The following EPB41L4A variants were observed in gnomAD, a reference collection of about 807,000 sequenced individuals.
The protein encoded by EPB41L4A is erythrocyte membrane protein band 4.1 like 4A.
In EPB41L4A, 100 loss-of-function variants were observed where a neutral mutation model predicts 108.6. The ratio of observed to expected loss-of-function variants is 0.92; its 90% CI spans 0.78 to 1.09. The LOEUF (loss-of-function observed/expected upper bound fraction) is 1.09, where lower values mean the gene tolerates loss of function less well. Among genes scored for constraint, EPB41L4A ranks in the 50% least tolerant of loss-of-function variants. The probability of loss-of-function intolerance (pLI) is 0.00; values close to 1 mark genes in which losing one functional copy is unlikely to be tolerated. For missense variants in EPB41L4A, 1,030 were observed against 842.7 expected (o/e 1.22, Z -2.75); for synonymous variants, 319 against 289.0 (o/e 1.10, Z -1.05).
At chr5:112,170,133 T>C (rs1371466779) in intron 20 of EPB41L4A, 168 bp downstream of exon 20, 1 of 646,678 alleles carries the variant, frequency 1.5e-6, no homozygotes, top group Non-Finnish European at 2.7e-6. Context: ...TAGTGTAGAA[T>C]AAGTAGCTTT....
At chr5:112,392,401 CAAAAAAAAAAAAAA>C (rs56256606) in intron 1 of EPB41L4A, among the ~76,000 whole-genome samples, 4 of 35,922 alleles carry the variant, frequency 1.1e-4, no homozygotes, top group Admixed American at 4.0e-4. Context: ...AAATGGAAAG[CAAAAAAAAAAAAAA>C]AAAAAAAAAG....
chr5:112,271,566 C>A (rs558988868), intron 4 of EPB41L4A, among the ~76,000 whole-genome samples: 35 of 152,310 alleles, frequency 2.3e-4, no homozygotes, highest in African/African-American at 7.7e-4. Flanking sequence ...AGACCTCACT[C>A]AGCCTTTCTG....
At chr5:112,382,157 A>T (rs183230437) in intron 1 of EPB41L4A, among the ~76,000 whole-genome samples, 1 of 152,366 alleles carries the variant, frequency 6.6e-6, no homozygotes, top group East Asian at 1.9e-4. Context: ...AATTCTTGAT[A>T]AATTAGGAAG....
intron 1 of EPB41L4A, among the ~76,000 whole-genome samples, chr5:112,309,631 G>A (rs1452790390): frequency 5.3e-5 from 8 of 152,068 alleles, no homozygotes; most frequent in Non-Finnish European, 5.9e-5. Context: ...GTCCTGCCCT[G>A]ACCTCTGGAA....
downstream of EPB41L4A, chr5:112,161,537 A>G (rs769902565): frequency 1.9e-6 from 1 of 519,098 alleles, no homozygotes; most frequent in Non-Finnish European, 3.8e-6. Flanking sequence ...GTGTCAAAAA[A>G]GGCGTAAATT....
At chr5:112,314,505 T>TAAAAAAAAAAAAAAAAAAAAAAAAAAAA (rs552428109) in intron 1 of EPB41L4A, among the ~76,000 whole-genome samples, 2 of 55,182 alleles carry the variant, frequency 3.6e-5, no homozygotes, top group African/African-American at 1.6e-4. Flanking sequence ...CCATCGCTAC[T>TAAAAAAAAAAAAAAAAAAAAAAAAAAAA]AAAAAAAAAA....
intron 1 of EPB41L4A, among the ~76,000 whole-genome samples, chr5:112,317,375 A>G (rs1418125456): frequency 6.6e-6 from 1 of 152,162 alleles, no homozygotes; most frequent in Non-Finnish European, 1.5e-5. Flanking sequence ...TTCCTGCTTT[A>G]TAAATAAGCT....
chr5:112,228,019 G>A (rs1356680085), intron 12 of EPB41L4A, among the ~76,000 whole-genome samples: 1 of 152,138 alleles, frequency 6.6e-6, no homozygotes, highest in African/African-American at 2.4e-5. Context: ...TGGAGTGTTT[G>A]AATCAAACAT....
At chr5:112,299,255 T>C (rs1011246798) in intron 2 of EPB41L4A, among the ~76,000 whole-genome samples, 1 of 152,216 alleles carries the variant, frequency 6.6e-6, no homozygotes, top group Non-Finnish European at 1.5e-5. Flanking sequence ...AGTTGTGCTC[T>C]TTCAGACTTT....
intron 1 of EPB41L4A, among the ~76,000 whole-genome samples, chr5:112,348,663 T>G: frequency 6.6e-6 from 1 of 152,286 alleles, no homozygotes; most frequent in East Asian, 1.9e-4. Flanking sequence ...AATGAAGTAT[T>G]CAGGTGTTTT....
In EPB41L4A at chr5:112,204,965, A is replaced by G. The variant is rs114168954; in HGVS notation, c.1262+456T>C. On this transcript the variant is annotated intron_variant, in intron 14 of 22. Coordinates refer to ENST00000261486, the MANE Select transcript of EPB41L4A (RefSeq NM_022140.5). ...AAGTGGCAGGGCTAGAATTTGAACT[A>G]TAAGTTACAACACAGGTCTGTCACT... Among the ~76,000 whole-genome samples the G allele has an allele frequency of 5.8e-3, 891 of 152,340 alleles. 12 individuals are homozygous for G. Among genetic ancestry groups the G allele is most frequent in the African/African-American group, 0.02 (836 of 41,582 alleles).
chr5:112,175,682 A>T (rs1760824131), intron 18 of EPB41L4A: 1 of 150,954 alleles, frequency 6.6e-6, no homozygotes, highest in Non-Finnish European at 1.5e-5. Flanking sequence ...CATATATTTT[A>T]AAATATTTTC....
intron 2 of EPB41L4A, among the ~76,000 whole-genome samples, chr5:112,306,524 C>T (rs2150577027): frequency 6.6e-6 from 1 of 152,136 alleles, no homozygotes; most frequent in South Asian, 2.1e-4. Context: ...CTGAATGTAC[C>T]ACAAATGACC....
chr5:112,367,414 G>T (rs560840964), intron 1 of EPB41L4A, among the ~76,000 whole-genome samples: 2 of 152,224 alleles, frequency 1.3e-5, no homozygotes, highest in East Asian at 3.9e-4. Context: ...TTATACAAAT[G>T]CCCTATCTTC....
At chr5:112,218,486 C>T (rs561227069) in intron 12 of EPB41L4A, among the ~76,000 whole-genome samples, 59 of 152,234 alleles carry the variant, frequency 3.9e-4, no homozygotes, top group Non-Finnish European at 5.4e-4. Context: ...GCTACACAGC[C>T]GACTGACACA....
intron 11 of EPB41L4A, among the ~76,000 whole-genome samples, chr5:112,237,412 A>G (rs1422742694): frequency 6.6e-6 from 1 of 152,182 alleles, no homozygotes; most frequent in Non-Finnish European, 1.5e-5. Flanking sequence ...TTAAAATGCA[A>G]GACAGAGTAA....
intron 12 of EPB41L4A, among the ~76,000 whole-genome samples, chr5:112,214,223 T>G (rs1013592053): frequency 2.0e-5 from 3 of 152,172 alleles, no homozygotes; most frequent in Non-Finnish European, 4.4e-5. Context: ...TCATGTATTA[T>G]GTACCACAGA....
intron 1 of EPB41L4A, among the ~76,000 whole-genome samples, chr5:112,319,613 T>A (rs1450357977): frequency 6.6e-6 from 1 of 152,182 alleles, no homozygotes; most frequent in Non-Finnish European, 1.5e-5. Context: ...TGAAGAAGCA[T>A]CAGACAAGCC....
intron 1 of EPB41L4A, among the ~76,000 whole-genome samples, chr5:112,330,012 C>T (rs191543364): frequency 6.6e-6 from 1 of 152,256 alleles, no homozygotes; most frequent in African/African-American, 2.4e-5. Flanking sequence ...TGCCCAACTG[C>T]ACCACAGACT....
Sources: allele counts gnomAD v4.1 joint callset (sites outside exome capture counted in the v4.1 genomes callset), GRCh38; gene constraint gnomAD v4.1.1; transcripts MANE v1.5; gene names NCBI Gene and HGNC (gene_info 2026-07-23, HGNC 2026-07-21).